The following KCNAB1 variants were observed in gnomAD, a reference collection of about 807,000 sequenced individuals.
The protein encoded by KCNAB1 is potassium voltage-gated channel subfamily A regulatory beta subunit 1.
In KCNAB1, 35 loss-of-function variants were observed where a neutral mutation model predicts 64.6. The ratio of observed to expected loss-of-function variants is 0.54; its 90% CI spans 0.41 to 0.72. The LOEUF (loss-of-function observed/expected upper bound fraction) is 0.72. Among genes scored for constraint, KCNAB1 ranks in the 30% least tolerant of loss-of-function variants. The probability of loss-of-function intolerance (pLI) is 0.00; values close to 1 mark genes in which losing one functional copy is unlikely to be tolerated. For synonymous variants in KCNAB1, 177 were observed against 183.8 expected, an observed-to-expected ratio of 0.96 and a Z score of 0.30; for missense variants, 401 against 512.9, an observed-to-expected ratio of 0.78 and a Z score of 2.11.
intron 1 of KCNAB1, among the ~76,000 whole-genome samples, chr3:156,153,270 G>C (rs963808448): frequency 7.2e-5 from 11 of 152,292 alleles, no homozygotes; most frequent in African/African-American, 2.6e-4. Flanking sequence ...ATTTGAGATA[G>C]TGATACTTGA....
At chr3:156,419,396 G>A (rs1715315592) in intron 1 of KCNAB1, among the ~76,000 whole-genome samples, 1 of 151,836 alleles carries the variant, frequency 6.6e-6, no homozygotes. Flanking sequence ...AGCTACTCGG[G>A]AGGCTGAGGC....
Position 156,129,239 on chromosome 3 carries a change from G to C in KCNAB1, c.275+8353G>C, listed in dbSNP as rs371085449. 4.6e-5 allele frequency among the ~76,000 whole-genome samples: 7 copies of C among 152,008 alleles called. No homozygotes were observed. In the East Asian group the frequency reaches 9.7e-4, roughly 21 times the overall value. ...CTGAATATGCTTAAGTATGTTCCAG[G>C]TTATCTTTTTGAGCCTTCGTTATTC... On this transcript the variant is annotated intron_variant, in intron 1 of 13. Transcript: ENST00000490337.
rs140428725 is a variant in KCNAB1, at chr3:156,390,743, C to T, written c.276-30873C>T. Reference sequence around the variant, plus strand: ...GACTACAGGCGCCTGCTACCATGCCCGGCTAATTTTTTTTTGTATTTTTAG... The same window carrying T: ...GACTACAGGCGCCTGCTACCATGCCTGGCTAATTTTTTTTTGTATTTTTAG... On this transcript the variant is annotated intron_variant, in intron 1 of 13. Coordinates refer to ENST00000490337, the MANE Select transcript of KCNAB1 (RefSeq NM_172160.3). Among the ~76,000 whole-genome samples the T allele has an allele frequency of 8.7e-4, 131 of 150,386 alleles. 1 individual carries two copies. Among genetic ancestry groups the T allele is most frequent in the African/African-American group, 3.0e-3 (119 of 39,750 alleles).
chr3:156,226,065 A>C lies in KCNAB1; in HGVS notation c.275+105179A>C, dbSNP rs138313479. Among the ~76,000 whole-genome samples, 501 of 152,282 alleles carry C rather than the reference A, an allele frequency of 3.3e-3. 3 individuals carry two copies. The highest frequency in any genetic ancestry group is 0.011 in the African/African-American group (440 of 41,572). Reference sequence around the variant, plus strand: ...TCATTTCTCATAGAACTAGAAAAAAATCCTAAAATTCATATGGAACCAAAA... The same window carrying C: ...TCATTTCTCATAGAACTAGAAAAAACTCCTAAAATTCATATGGAACCAAAA... On this transcript the variant is annotated intron_variant, in intron 1 of 13. Coordinates refer to ENST00000490337, the MANE Select transcript of KCNAB1 (RefSeq NM_172160.3).
intron 1 of KCNAB1, among the ~76,000 whole-genome samples, chr3:156,266,090 A>C (rs1459941856): frequency 2.0e-5 from 3 of 152,204 alleles, no homozygotes; most frequent in Non-Finnish European, 4.4e-5. Context: ...TTTAGTGAGC[A>C]GATTAAGCTT....
intron 1 of KCNAB1, among the ~76,000 whole-genome samples, chr3:156,366,948 A>T (rs1287128955): frequency 1.3e-5 from 2 of 152,220 alleles, no homozygotes; most frequent in Non-Finnish European, 2.9e-5. Context: ...AGTTAACAGA[A>T]GGAAAAGACC....
rs1713059732 is a variant in KCNAB1, at chr3:156,184,419, A to G, written c.275+63533A>G. ...GAGTGTGATTAGTAAGGAAGTGGAGAGAGACAAATAGAGCTCTCAGGGCTG... is the reference window on the plus strand; with the variant it reads ...GAGTGTGATTAGTAAGGAAGTGGAGGGAGACAAATAGAGCTCTCAGGGCTG... On this transcript the variant is annotated intron_variant, in intron 1 of 13. Coordinates refer to ENST00000490337, the MANE Select transcript of KCNAB1 (RefSeq NM_172160.3). 2.0e-5 allele frequency among the ~76,000 whole-genome samples: 3 copies of G among 152,156 alleles called. No individual in the cohort carries two copies. In the South Asian group the frequency reaches 6.2e-4, roughly 32 times the overall value.
chr3:156,432,196 T>A (rs1716264984), intron 2 of KCNAB1, among the ~76,000 whole-genome samples: 1 of 152,200 alleles, frequency 6.6e-6, no homozygotes. Flanking sequence ...TTCTATGTCA[T>A]TGGTAGCCAT....
At chr3:156,286,231 G>T (rs1720092837) in intron 1 of KCNAB1, among the ~76,000 whole-genome samples, 1 of 152,148 alleles carries the variant, frequency 6.6e-6, no homozygotes, top group Admixed American at 6.5e-5. Flanking sequence ...AATTTTTATA[G>T]CTGGTTCAAT....
intron 8 of KCNAB1, among the ~76,000 whole-genome samples, chr3:156,500,517 T>C (rs567147847): frequency 1.3e-5 from 2 of 152,250 alleles, no homozygotes; most frequent in East Asian, 3.9e-4. Flanking sequence ...CTCAAGAGAA[T>C]TGCAAAATAA....
At chr3:156,419,395 G>T (rs1715315380) in intron 1 of KCNAB1, among the ~76,000 whole-genome samples, 1 of 151,934 alleles carries the variant, frequency 6.6e-6, no homozygotes, top group South Asian at 2.1e-4. Flanking sequence ...CAGCTACTCG[G>T]GAGGCTGAGG....
chr3:156,280,610 T>C (rs1719650434), intron 1 of KCNAB1, among the ~76,000 whole-genome samples: 2 of 149,666 alleles, frequency 1.3e-5, no homozygotes, highest in Admixed American at 6.7e-5. Context: ...GCATGGAATG[T>C]TCTTCCATTT....
downstream of KCNAB1, chr3:156,538,696 A>G (rs1448511718): frequency 6.6e-6 from 1 of 152,278 alleles, no homozygotes; most frequent in Non-Finnish European, 1.5e-5. Context: ...GTGGCCATAA[A>G]TTAGGCAATA....
chr3:156,286,700 T>A (rs941204353), intron 1 of KCNAB1, among the ~76,000 whole-genome samples: 1 of 152,270 alleles, frequency 6.6e-6, no homozygotes, highest in African/African-American at 2.4e-5. Context: ...TTAGTCTTTT[T>A]AAATGGAAAT....
intron 8 of KCNAB1, among the ~76,000 whole-genome samples, chr3:156,491,764 A>G (rs1715647887): frequency 6.6e-6 from 1 of 152,040 alleles, no homozygotes; most frequent in Non-Finnish European, 1.5e-5. Context: ...CTCCTCTTAT[A>G]GGGCCACAGG....
intron 1 of KCNAB1, among the ~76,000 whole-genome samples, chr3:156,200,463 T>C (rs1714254463): frequency 6.6e-6 from 1 of 152,056 alleles, no homozygotes; most frequent in Admixed American, 6.5e-5. Context: ...GGAGATAAAG[T>C]TTTATCTCTA....
At chr3:156,238,466 A>T (rs1219080575) in intron 1 of KCNAB1, among the ~76,000 whole-genome samples, 1 of 151,448 alleles carries the variant, frequency 6.6e-6, no homozygotes, top group Admixed American at 6.6e-5. Context: ...ACAAGCCCAG[A>T]GAGATCTTAA....
chr3:156,169,342 A>T (rs1406910574), intron 1 of KCNAB1, among the ~76,000 whole-genome samples: 1 of 152,240 alleles, frequency 6.6e-6, no homozygotes, highest in Non-Finnish European at 1.5e-5. Context: ...ATATAATGGA[A>T]ACCATATGCA....
At chr3:156,230,702 T>C (rs1716465652) in intron 1 of KCNAB1, among the ~76,000 whole-genome samples, 1 of 151,932 alleles carries the variant, frequency 6.6e-6, no homozygotes, top group Non-Finnish European at 1.5e-5. Flanking sequence ...CGAGGGATGA[T>C]GAGATAAAGA....
Sources: gnomAD v4.1 joint callset for allele counts (sites outside exome capture counted in the v4.1 genomes callset) on GRCh38, gnomAD v4.1.1 for gene constraint, MANE v1.5 for transcripts, NCBI Gene and HGNC (gene_info 2026-07-23, HGNC 2026-07-21) for gene names.